Variants in PRKD2 observed in about 807,000 individuals in gnomAD.
PRKD2 encodes serine/threonine-protein kinase D2.
A neutral mutation model predicts 86.0 loss-of-function variants in PRKD2; 22 were observed. That is an observed-to-expected ratio of 0.26 (90% confidence interval 0.18 to 0.37). PRKD2 has a LOEUF of 0.37. Ranked by LOEUF, PRKD2 falls within the 10% of genes least tolerant of loss-of-function variation. The pLI is 1.00. For synonymous variants in PRKD2, 509 were observed against 510.9 expected, an observed-to-expected ratio of 1.00 and a Z score of 0.05; for missense variants, 818 against 1,199.2, an observed-to-expected ratio of 0.68 and a Z score of 4.70.
chr19:46,710,883 C>T, intron 3 of PRKD2, 24 bp downstream of exon 3: 2 of 1,538,800 alleles, frequency 1.3e-6, no homozygotes, highest in South Asian at 1.2e-5. Flanking sequence ...CCCCAGGCCC[C>T]GCCCCCAACC....
intron 16 of PRKD2, among the ~76,000 whole-genome samples, chr19:46,676,107 A>G (rs2053197310): frequency 3.3e-5 from 5 of 152,108 alleles, no homozygotes; most frequent in Non-Finnish European, 7.4e-5. Flanking sequence ...TATCAGGTTT[A>G]TCTAACCCCA....
At chr19:46,697,035 T>G (rs1376990132) in intron 9 of PRKD2, 122 bp downstream of exon 9, 2 of 829,386 alleles carry the variant, frequency 2.4e-6, no homozygotes, top group Non-Finnish European at 2.1e-6. Flanking sequence ...GCAGGGAGGC[T>G]GGGGGTGGGC....
intron 3 of PRKD2, chr19:46,710,660 T>A: frequency 8.0e-5 from 32 of 401,166 alleles, no homozygotes; most frequent in Non-Finnish European, 1.2e-4. Context: ...CTTAAGCCCC[T>A]ACTTGTCCCT....
chr19:46,678,750 C>T lies in PRKD2; in HGVS notation c.2071-87G>A. On this transcript the variant is annotated intron_variant, in intron 15 of 17. Transcript: ENST00000291281. This position sits in a 1 kb window ranked among gnomAD's most constrained non-coding sequence, Gnocchi z 5.7. ...CCACCACACCACCCTCCATGGTATT[C>T]CAGAGAAAGCTGGATGCTGGTTTGA... is the stretch of plus-strand genomic sequence containing the variant. 1 of 1,441,284 alleles carries T rather than the reference C, an allele frequency of 6.9e-7. No individual in the cohort carries two copies. Among genetic ancestry groups the T allele is most frequent in the Non-Finnish European group, 9.3e-7 (1 of 1,075,214 alleles). 89.3% of individuals were successfully genotyped at this position (1,441,284 alleles called of 1,614,324 possible).
At chr19:46,688,792 T>A (rs1429465294) in intron 14 of PRKD2, 1 of 152,220 alleles carries the variant, frequency 6.6e-6, no homozygotes, top group Non-Finnish European at 1.5e-5. Context: ...TCTTTCTTTC[T>A]TTTTAGAGGC....
chr19:46,683,998 T>C (rs2053355585), intron 14 of PRKD2, among the ~76,000 whole-genome samples: 1 of 142,128 alleles, frequency 7.0e-6, no homozygotes, highest in Non-Finnish European at 1.5e-5. Flanking sequence ...CTTGATTCTC[T>C]GTAACTCAAA....
rs906796666 is a variant in PRKD2, at chr19:46,713,812, TGCCCCGCCCCCACCCGAG to T, written c.379+33_379+50del. 19 of 804,434 alleles carry T rather than the reference TGCCCCGCCCCCACCCGAG, an allele frequency of 2.4e-5. No individual in the cohort carries two copies. The East Asian group carries it at 4.3e-4, about 18-fold the overall frequency. The allele number at this position is 804,434 out of a possible 1,614,324, so 49.8% of individuals were successfully genotyped here. A position where few individuals can be genotyped will look rare whatever the true frequency, so the allele number is the denominator to read the frequency against. ...TCCCCCTACCCTCTCCTCCCCCAGA[TGCCCCGCCCCCACCCGAG>T]GCCCCGCCCCCAGGCCGGCCACCAC... On this transcript the variant is annotated intron_variant, in intron 2 of 17. Transcript: ENST00000291281.
In PRKD2 at chr19:46,689,540, G is replaced by A. The variant is rs765909958; in HGVS notation, c.1968C>T (p.Thr656=). 6.2e-7 allele frequency: 1 copy of A among 1,602,988 alleles called. No individual in the cohort carries two copies. Among genetic ancestry groups the A allele is most frequent in the Non-Finnish European group, 8.5e-7 (1 of 1,175,484 alleles). Residue 656 remains threonine (T), a synonymous_variant, in exon 14 of 18, where the codon ACC becomes ACT. Coordinates refer to ENST00000291281, the MANE Select transcript of PRKD2 (RefSeq NM_016457.5). The part of the protein sequence containing the change: ...LPERLTKFLI[T]QILVALRHLH... ...GCAGCGGGCAGGGCAGACGCACCTG[G>A]GTGATGAGGAACTTGGTGAGGCGCT...
At chr19:46,714,034 A>G (rs1472799072) in intron 1 of PRKD2, 33 bp from the exon 2 acceptor site, 1 of 1,608,398 alleles carries the variant, frequency 6.2e-7, no homozygotes, top group Non-Finnish European at 8.5e-7. Context: ...GGCGACGGAA[A>G]AGCTCAGAGC....
chr19:46,715,977 G>A (rs1259649934), intron 1 of PRKD2, among the ~76,000 whole-genome samples, 154 bp downstream of exon 1: 1 of 152,228 alleles, frequency 6.6e-6, no homozygotes, highest in African/African-American at 2.4e-5. Flanking sequence ...GTGGGGAGAG[G>A]GGCAATGGAG....
At position 46,704,661 on chromosome 19, in the gene PRKD2, G is replaced by A; in HGVS notation, c.512-12C>T. On this transcript the variant is annotated splice_polypyrimidine_tract_variant and intron_variant, in intron 3 of 17. Transcript: ENST00000291281. Reference sequence around the variant, plus strand: ...GTTCAGCCCGCAGCCTGCAGGGGGCGCCAGAGAGTAAGAGACATGGCGTCT... The same window carrying A: ...GTTCAGCCCGCAGCCTGCAGGGGGCACCAGAGAGTAAGAGACATGGCGTCT... The A allele has an allele frequency of 3.1e-6, 5 of 1,593,100 alleles. No homozygotes were observed. The highest frequency in any genetic ancestry group is 4.3e-6 in the Non-Finnish European group (5 of 1,168,858).
At chr19:46,681,840 T>A in intron 14 of PRKD2, 92 bp from the exon 15 acceptor site, 3 of 134,004 alleles carry the variant, frequency 2.2e-5, no homozygotes, top group Non-Finnish European at 4.6e-5. Context: ...CCATCCATAC[T>A]TTTTTTTTTT....
chr19:46,678,328 G>T lies in PRKD2; in HGVS notation c.2338+68C>A. ...GTTTCCGGGTCCACCCCCCTCTCAT[G>T]GCTCCGCCCACTTCTCCAGCCCCAC... is the stretch of plus-strand genomic sequence containing the variant. On this transcript the variant is annotated intron_variant, in intron 16 of 17. Coordinates refer to ENST00000291281, the MANE Select transcript of PRKD2 (RefSeq NM_016457.5). The surrounding 1 kb of genome is among the most constrained non-coding windows in gnomAD (Gnocchi z 5.7). 8 of 1,564,176 alleles carry T rather than the reference G, an allele frequency of 5.1e-6. No individual in the cohort carries two copies. Among genetic ancestry groups the T allele is most frequent in the Non-Finnish European group, 6.9e-6 (8 of 1,157,168 alleles).
At chr19:46,690,738 G>T in intron 12 of PRKD2, 32 bp from the exon 13 acceptor site, 1 of 1,590,732 alleles carries the variant, frequency 6.3e-7, no homozygotes, top group East Asian at 2.2e-5. Flanking sequence ...TGGGGGATGA[G>T]AGAGCAAGAC....
At chr19:46,695,370 C>G (rs1041486824) in intron 9 of PRKD2, among the ~76,000 whole-genome samples, 2 of 152,210 alleles carry the variant, frequency 1.3e-5, no homozygotes, top group African/African-American at 4.8e-5. Context: ...ATAATCCTAG[C>G]TACTTGGGAG....
At position 46,691,692 on chromosome 19, in the gene PRKD2, C is replaced by T. The variant is rs764138138; in HGVS notation, c.1702+43G>A. 9 of 1,600,924 alleles carry T rather than the reference C, an allele frequency of 5.6e-6. No homozygotes were observed. In the South Asian group the frequency reaches 8.8e-5, roughly 16 times the overall value. On this transcript the variant is annotated intron_variant, in intron 12 of 17. Coordinates refer to ENST00000291281, the MANE Select transcript of PRKD2 (RefSeq NM_016457.5). ...AGGGCTGGAGCCACAGCAGCTTCCC[C>T]CAGCCCGGGGCTCCCTCTGGGTTAG...
chr19:46,711,980 A>G (rs918784079), intron 2 of PRKD2, among the ~76,000 whole-genome samples: 2 of 151,094 alleles, frequency 1.3e-5, no homozygotes, highest in African/African-American at 4.9e-5. Context: ...AGGCAGGAGA[A>G]TTGCTTGAAC....
chr19:46,703,061 A>G (rs2053656564), intron 5 of PRKD2, among the ~76,000 whole-genome samples: 1 of 152,126 alleles, frequency 6.6e-6, no homozygotes, highest in African/African-American at 2.4e-5. Context: ...GATGGTTTCA[A>G]GCTTATATGA....
rs2053254411 is a variant in PRKD2 at position 46,678,907 on chromosome 19, G to T, written c.2071-244C>A. On this transcript the variant is annotated intron_variant, in intron 15 of 17. Coordinates refer to ENST00000291281, the MANE Select transcript of PRKD2 (RefSeq NM_016457.5). The surrounding 1 kb of genome is among the most constrained non-coding windows in gnomAD (Gnocchi z 5.7). ...TCAGAGGACTGCCATGATGGTTAGT[G>T]AATTAAACCATCCAAAGCCCACAGG... Among the ~76,000 whole-genome samples, 1 of 152,142 alleles carries T rather than the reference G, an allele frequency of 6.6e-6. No individual in the cohort carries two copies. Among genetic ancestry groups the T allele is most frequent in the South Asian group, 2.1e-4 (1 of 4,828 alleles).
Sources: gnomAD v4.1 joint callset for allele counts (sites outside exome capture counted in the v4.1 genomes callset) on GRCh38, gnomAD v4.1.1 for gene constraint, Gnocchi (gnomAD v3.1) non-coding constraint, MANE v1.5 for transcripts, NCBI Gene and HGNC (gene_info 2026-07-23, HGNC 2026-07-21) for gene names.